The following MYO5B variants were observed in gnomAD, a reference collection of about 807,000 sequenced individuals.
MYO5B encodes the protein myosin VB.
Under a neutral mutation model 229.3 loss-of-function variants are expected in MYO5B, and 143 were observed. The observed-to-expected ratio is 0.62, with a 90% CI of 0.54 to 0.72. The LOEUF (loss-of-function observed/expected upper bound fraction) is 0.72, where lower values mean the gene tolerates loss of function less well. Among genes scored for constraint, MYO5B ranks in the 30% least tolerant of loss-of-function variants. MYO5B has a pLI of 0.00. For synonymous variants in MYO5B, 918 were observed against 885.2 expected (o/e 1.04, Z -0.66); for missense variants, 2,321 against 2,331.0 (o/e 1.00, Z 0.09).
chr18:50,002,483 G>C (rs1194355380), intron 4 of MYO5B, among the ~76,000 whole-genome samples: 1 of 152,206 alleles, frequency 6.6e-6, no homozygotes, highest in Non-Finnish European at 1.5e-5. Flanking sequence ...AGCCATAGAA[G>C]CTGGTGGAAG....
intron 1 of MYO5B, among the ~76,000 whole-genome samples, chr18:50,086,068 TAATAA>T (rs999425689): frequency 3.1e-4 from 47 of 152,130 alleles, no homozygotes; most frequent in African/African-American, 1.1e-3. Context: ...AGTATAATAA[TAATAA>T]AATTTAAAAA....
chr18:50,123,858 A>G (rs1022607107), intron 1 of MYO5B, among the ~76,000 whole-genome samples: 3 of 152,232 alleles, frequency 2.0e-5, no homozygotes, highest in East Asian at 1.9e-4. Context: ...TTGCCCTCAT[A>G]TATCTTACAG....
At chr18:50,115,828 G>T (rs1325289479) in intron 1 of MYO5B, among the ~76,000 whole-genome samples, 1 of 150,718 alleles carries the variant, frequency 6.6e-6, no homozygotes, top group Non-Finnish European at 1.5e-5. Flanking sequence ...TGGGAGGGGG[G>T]AGGGTAGTGG....
intron 17 of MYO5B, among the ~76,000 whole-genome samples, chr18:49,923,077 A>C (rs2025092145): frequency 6.6e-6 from 1 of 152,222 alleles, no homozygotes; most frequent in South Asian, 2.1e-4. Context: ...GGGAGTAAGC[A>C]GTAGGAACAG....
chr18:49,889,949 G>A (rs561269195), intron 22 of MYO5B, among the ~76,000 whole-genome samples: 2 of 152,170 alleles, frequency 1.3e-5, no homozygotes, highest in Non-Finnish European at 2.9e-5. Flanking sequence ...CATGAATGCA[G>A]GTCTCTGACT....
chr18:50,006,504 G>A (rs1472012187), intron 4 of MYO5B, among the ~76,000 whole-genome samples: 1 of 152,176 alleles, frequency 6.6e-6, no homozygotes, highest in Admixed American at 6.5e-5. Context: ...GGAGCCTGAG[G>A]TAAGGAACTT....
At chr18:49,899,663 G>C (rs957070411) in intron 21 of MYO5B, among the ~76,000 whole-genome samples, 1 of 152,180 alleles carries the variant, frequency 6.6e-6, no homozygotes, top group African/African-American at 2.4e-5. Flanking sequence ...GTGTGCCTCA[G>C]TTTCTTCATC....
At chr18:49,888,995 G>A (rs2024678291) in intron 22 of MYO5B, among the ~76,000 whole-genome samples, 2 of 152,130 alleles carry the variant, frequency 1.3e-5, no homozygotes, top group Admixed American at 1.3e-4. Context: ...GTGGACCTAG[G>A]GATTATATCG....
At chr18:50,039,195 C>G (rs774895735) in intron 3 of MYO5B, among the ~76,000 whole-genome samples, 13 of 152,194 alleles carry the variant, frequency 8.5e-5, no homozygotes, top group Non-Finnish European at 8.8e-5. Context: ...AATCCCCAAC[C>G]AGATCCTCAA....
chr18:49,840,969 T>C (rs899865452), intron 35 of MYO5B, among the ~76,000 whole-genome samples: 1 of 152,208 alleles, frequency 6.6e-6, no homozygotes, highest in Non-Finnish European at 1.5e-5. Context: ...GATTAATCAG[T>C]TGGCTTAGGA....
chr18:49,953,352 A>G lies in MYO5B; in HGVS notation c.1669-9T>C, dbSNP rs144862860. 1.2e-6 allele frequency: 2 copies of G among 1,613,312 alleles called. No homozygotes were observed. Among genetic ancestry groups the G allele is most frequent in the Non-Finnish European group, 1.7e-6 (2 of 1,179,218 alleles). On this transcript the variant is annotated splice_polypyrimidine_tract_variant and intron_variant, in intron 13 of 39. Coordinates refer to ENST00000285039, the MANE Select transcript of MYO5B (RefSeq NM_001080467.3). ...TCAGAGAGGTACTCCACCTGGGGCCACAGCAACCAGAGAGAGACACAGTCG... is the reference window on the plus strand; with the variant it reads ...TCAGAGAGGTACTCCACCTGGGGCCGCAGCAACCAGAGAGAGACACAGTCG...
rs1337944545 is a variant in MYO5B at position 49,879,023 on chromosome 18, C to T, written c.3198G>A (p.Arg1066=). The T allele has an allele frequency of 6.2e-7, 1 of 1,610,514 alleles. No homozygotes were observed. The highest frequency in any genetic ancestry group is 1.4e-5 in the African/African-American group (1 of 73,496). The change falls in exon 24 of 40, where the codon CGG becomes CGA. Residue 1066 remains arginine (R), a synonymous_variant. Transcript: ENST00000285039. ...MKKELEEERS[R]YQNLVKEYSQ... ...AATATTCCTTCACAAGGTTCTGGTA[C>T]CGGGATCGCTCCTCCTCCAGTTCTT... is the stretch of plus-strand genomic sequence containing the variant.
chr18:50,043,325 T>TTAA (rs2030087706), intron 2 of MYO5B, among the ~76,000 whole-genome samples: 1 of 94,118 alleles, frequency 1.1e-5, no homozygotes, highest in Non-Finnish European at 2.0e-5. Flanking sequence ...ATATAAAATA[T>TTAA]ATATTTTATA....
chr18:49,911,056 T>C (rs956793832), intron 18 of MYO5B, among the ~76,000 whole-genome samples: 3 of 152,230 alleles, frequency 2.0e-5, no homozygotes, highest in African/African-American at 7.2e-5. Context: ...TAAAATCTAT[T>C]GCCTTACTTA....
intron 8 of MYO5B, among the ~76,000 whole-genome samples, chr18:49,981,925 C>A (rs543129342): frequency 6.6e-6 from 1 of 152,300 alleles, no homozygotes; most frequent in African/African-American, 2.4e-5. Flanking sequence ...CACTTATGCA[C>A]CCTTGTAGGA....
chr18:49,900,131 A>T (rs149899295), intron 21 of MYO5B, among the ~76,000 whole-genome samples: 1,896 of 152,304 alleles, frequency 0.012, 25 homozygotes, highest in Non-Finnish European at 0.018. Flanking sequence ...GTCAATGCCT[A>T]CTCATCCCTG....
intron 1 of MYO5B, among the ~76,000 whole-genome samples, chr18:50,063,112 C>T (rs1422812198): frequency 6.6e-6 from 1 of 152,104 alleles, no homozygotes; most frequent in East Asian, 1.9e-4. Context: ...AGAGCACAGC[C>T]AGCCAAAGAA....
chr18:49,836,982 T>C, intron 37 of MYO5B, 97 bp from the exon 38 acceptor site: 1 of 1,174,080 alleles, frequency 8.5e-7, no homozygotes, highest in Non-Finnish European at 1.2e-6. Flanking sequence ...CTGCAGCTAG[T>C]GCCATTATTT....
intron 1 of MYO5B, among the ~76,000 whole-genome samples, chr18:50,152,864 T>TAAAAAAAAA (rs67858852): frequency 8.0e-6 from 1 of 125,440 alleles, no homozygotes; most frequent in Non-Finnish European, 1.7e-5. Flanking sequence ...TTCTCAAAAC[T>TAAAAAAAAA]AAAAAAAAAA....
Sources: gnomAD v4.1 joint callset for allele counts (sites outside exome capture counted in the v4.1 genomes callset) on GRCh38, gnomAD v4.1.1 for gene constraint, MANE v1.5 for transcripts, NCBI Gene and HGNC (gene_info 2026-07-23, HGNC 2026-07-21) for gene names.